Variants in MSRA observed in about 807,000 individuals in gnomAD.
The protein encoded by MSRA is mitochondrial peptide methionine sulfoxide reductase.
In MSRA, 54 loss-of-function variants were observed where a neutral mutation model predicts 31.3. That is an observed-to-expected ratio of 1.73 (90% CI 1.39 to 2.17). MSRA has a LOEUF of 2.17. Ranked by LOEUF, MSRA falls within the 30% of genes most tolerant of loss-of-function variation. The pLI is 0.00. For synonymous variants in MSRA, 169 were observed against 116.5 expected, an observed-to-expected ratio of 1.45 and a Z score of -2.90; for missense variants, 507 against 300.9, an observed-to-expected ratio of 1.69 and a Z score of -5.07.
intron 2 of MSRA, among the ~76,000 whole-genome samples, chr8:10,225,251 C>A (rs1426511321): frequency 1.3e-5 from 2 of 152,214 alleles, no homozygotes; most frequent in African/African-American, 4.8e-5. Context: ...CAGTTGAAAC[C>A]CTACTCTTCC....
intron 2 of MSRA, among the ~76,000 whole-genome samples, chr8:10,216,667 G>C (rs1187287255): frequency 6.6e-6 from 1 of 152,174 alleles, no homozygotes; most frequent in Non-Finnish European, 1.5e-5. Flanking sequence ...ATAGAATCAT[G>C]CAGTATTTAC....
At chr8:10,265,910 G>A (rs996221574) in intron 3 of MSRA, among the ~76,000 whole-genome samples, 2 of 152,184 alleles carry the variant, frequency 1.3e-5, no homozygotes, top group African/African-American at 4.8e-5. Flanking sequence ...GTTTTGAGAT[G>A]CATCCATGTT....
At chr8:10,087,365 C>T (rs1415876523) in intron 1 of MSRA, among the ~76,000 whole-genome samples, 5 of 152,206 alleles carry the variant, frequency 3.3e-5, no homozygotes, top group African/African-American at 4.8e-5. Context: ...GTCTCTCTGT[C>T]TGTCCTGAGC....
At chr8:10,309,009 T>C (rs1801289527) in intron 4 of MSRA, among the ~76,000 whole-genome samples, 1 of 152,232 alleles carries the variant, frequency 6.6e-6, no homozygotes, top group Non-Finnish European at 1.5e-5. Flanking sequence ...GCAAGAACTA[T>C]GTGACTGGCT....
chr8:10,092,416 T>G (rs913153085), intron 1 of MSRA, among the ~76,000 whole-genome samples: 2 of 152,210 alleles, frequency 1.3e-5, no homozygotes, highest in Admixed American at 1.3e-4. Context: ...CCCAGCAGTT[T>G]GGGAGGCCGA....
chr8:10,310,595 T>C (rs2129131638), intron 4 of MSRA, among the ~76,000 whole-genome samples: 1 of 152,378 alleles, frequency 6.6e-6, no homozygotes, highest in South Asian at 2.1e-4. Context: ...CAATGCTAAG[T>C]GCTCATGTGT....
Position 10,249,515 on chromosome 8 carries a change from A to G in MSRA, c.331+4292A>G, listed in dbSNP as rs867109890. On this transcript the variant is annotated intron_variant, in intron 3 of 5. Transcript: ENST00000317173. ...AGTGTATGTAACTTTTAAGTAACCT[A>G]TAATCTTCCCTTCCTCAGGTTCATT... Among the ~76,000 whole-genome samples the G allele has an allele frequency of 1.9e-4, 29 of 152,296 alleles. 1 individual carries two copies. Among genetic ancestry groups the G allele is most frequent in the Middle Eastern group, 3.4e-3 (1 of 294 alleles).
intron 5 of MSRA, among the ~76,000 whole-genome samples, chr8:10,386,485 A>C (rs1172236919): frequency 1.3e-5 from 2 of 152,206 alleles, no homozygotes; most frequent in Non-Finnish European, 2.9e-5. Context: ...ACAACAGAGG[A>C]AAGGTATTTC....
intron 1 of MSRA, among the ~76,000 whole-genome samples, chr8:10,131,399 G>C (rs4841283): frequency 0.2 from 30,975 of 152,188 alleles, 4,238 homozygotes; most frequent in East Asian, 0.57. Context: ...TAGGATTTGG[G>C]CAGGTAGCAA....
At chr8:10,219,360 A>AAATTTTTG (rs749634324) in intron 2 of MSRA, among the ~76,000 whole-genome samples, 2 of 152,166 alleles carry the variant, frequency 1.3e-5, no homozygotes, top group Non-Finnish European at 2.9e-5. Flanking sequence ...TATCACTGCC[A>AAATTTTTG]AATTTTTGGG....
At chr8:10,276,315 A>G (rs1022070031) in intron 3 of MSRA, among the ~76,000 whole-genome samples, 32 of 152,026 alleles carry the variant, frequency 2.1e-4, no homozygotes, top group African/African-American at 7.7e-4. Context: ...TATATAATCC[A>G]CCCAACAGTG....
intron 5 of MSRA, among the ~76,000 whole-genome samples, chr8:10,335,894 C>G (rs1803009077): frequency 6.6e-6 from 1 of 152,204 alleles, no homozygotes. Context: ...GGAGAAGCAG[C>G]TGGTAACTTG....
intron 2 of MSRA, among the ~76,000 whole-genome samples, chr8:10,234,877 G>T (rs1485055142): frequency 6.6e-6 from 1 of 151,958 alleles, no homozygotes; most frequent in Non-Finnish European, 1.5e-5. Flanking sequence ...GTAGCAAGAG[G>T]ATAATAAGAC....
intron 1 of MSRA, among the ~76,000 whole-genome samples, chr8:10,173,068 C>T (rs1373523109): frequency 6.6e-6 from 1 of 152,234 alleles, no homozygotes; most frequent in Non-Finnish European, 1.5e-5. Context: ...TTTAAAATAG[C>T]ACACTTCTGG....
intron 1 of MSRA, among the ~76,000 whole-genome samples, chr8:10,081,765 G>T (rs1459759536): frequency 2.0e-5 from 3 of 152,162 alleles, no homozygotes; most frequent in African/African-American, 7.2e-5. Flanking sequence ...CCCGGGAGAT[G>T]GGATTACAGG....
intron 5 of MSRA, chr8:10,353,756 AG>A (rs1308031833): frequency 2.8e-5 from 11 of 390,916 alleles, no homozygotes; most frequent in Admixed American, 9.2e-5. Context: ...AGCAGAGGAC[AG>A]GGTTCCACTT....
intron 2 of MSRA, among the ~76,000 whole-genome samples, chr8:10,214,797 A>G (rs62491578): frequency 1.0e-3 from 153 of 152,342 alleles, no homozygotes; most frequent in African/African-American, 3.5e-3. Flanking sequence ...TGAGGGGGCA[A>G]TGGTCATTGG....
chr8:10,311,692 C>T (rs1801442825), intron 4 of MSRA, among the ~76,000 whole-genome samples: 1 of 152,082 alleles, frequency 6.6e-6, no homozygotes, highest in Non-Finnish European at 1.5e-5. Context: ...GAGGGAGGAT[C>T]ACTTGAATCC....
In MSRA at chr8:10,293,397, T is replaced by A. The variant is rs184655908; in HGVS notation, c.332-8137T>A. On this transcript the variant is annotated intron_variant, in intron 3 of 5. Transcript: ENST00000317173. ...TCCCCGCCCCACAAGTCATCTGCCG[T>A]GACCGCTTCCTCCGTGTGCGTCTGA... 6.8e-4 allele frequency among the ~76,000 whole-genome samples: 104 copies of A among 152,336 alleles called. 1 individual carries two copies. Among genetic ancestry groups the A allele is most frequent in the African/African-American group, 2.4e-3 (100 of 41,588 alleles).
Sources: gnomAD v4.1 joint callset for allele counts (sites outside exome capture counted in the v4.1 genomes callset) on GRCh38, gnomAD v4.1.1 for gene constraint, MANE v1.5 for transcripts, NCBI Gene and HGNC (gene_info 2026-07-23, HGNC 2026-07-21) for gene names.